AKT3: variants seen among roughly 807,000 people sequenced by gnomAD.
The protein encoded by AKT3 is AKT serine/threonine kinase 3.
A neutral mutation model predicts 65.3 loss-of-function variants in AKT3; 15 were observed. The ratio of observed to expected loss-of-function variants is 0.23; its 90% CI spans 0.15 to 0.35. The LOEUF (loss-of-function observed/expected upper bound fraction) is 0.35. AKT3 is among the 10% of genes least tolerant of loss of function. The pLI is 1.00. For missense variants in AKT3, 243 were observed against 576.5 expected (o/e 0.42, Z 5.92); for synonymous variants, 206 against 183.8 (o/e 1.12, Z -0.98).
In AKT3 at chr1:243,523,810, C is replaced by G. The variant is rs140364815; in HGVS notation, c.1252-11384G>C. 9.3e-4 allele frequency among the ~76,000 whole-genome samples: 141 copies of G among 152,358 alleles called. 1 individual carries two copies. Among genetic ancestry groups the G allele is most frequent in the Non-Finnish European group, 5.0e-4 (34 of 68,034 alleles). ...TCGCCTGCTTATTTATCTGTCTCTT[C>G]TACTAAACTGTAAGCAACCGTTTGA... On this transcript the variant is annotated intron_variant, in intron 12 of 13. Transcript: ENST00000673466.
chr1:243,738,360 A>G (rs949024206), intron 2 of AKT3, among the ~76,000 whole-genome samples: 2 of 152,214 alleles, frequency 1.3e-5, no homozygotes, highest in African/African-American at 2.4e-5. Flanking sequence ...GACTACTTTC[A>G]TAAGCTTAAG....
chr1:243,607,545 G>T (rs1247472265), intron 8 of AKT3, among the ~76,000 whole-genome samples: 5 of 152,224 alleles, frequency 3.3e-5, no homozygotes, highest in Non-Finnish European at 7.3e-5. Flanking sequence ...TATCTAGGAA[G>T]TAACTAACTT....
At chr1:243,614,056 CA>C (rs1194578147) in intron 7 of AKT3, among the ~76,000 whole-genome samples, 1 of 152,140 alleles carries the variant, frequency 6.6e-6, no homozygotes, top group Non-Finnish European at 1.5e-5. Flanking sequence ...GGTTCTCATC[CA>C]TGCAACCTCA....
At chr1:243,547,087 A>C (rs1443302813) in intron 11 of AKT3, 1 of 152,218 alleles carries the variant, frequency 6.6e-6, no homozygotes, top group African/African-American at 2.4e-5. Flanking sequence ...AAGTCTAAAC[A>C]GTCAACAAAA....
At chr1:243,703,846 T>G (rs1685630819) in intron 2 of AKT3, among the ~76,000 whole-genome samples, 1 of 152,116 alleles carries the variant, frequency 6.6e-6, no homozygotes, top group Non-Finnish European at 1.5e-5. Flanking sequence ...GCGTAAGTTT[T>G]CAACTGCACA....
At chr1:243,718,266 G>C (rs375875709) in intron 2 of AKT3, among the ~76,000 whole-genome samples, 1 of 152,140 alleles carries the variant, frequency 6.6e-6, no homozygotes, top group African/African-American at 2.4e-5. Flanking sequence ...CACAACTGGG[G>C]ACATGGATGT....
chr1:243,641,497 G>A (rs1393159494), intron 5 of AKT3, among the ~76,000 whole-genome samples: 1 of 151,680 alleles, frequency 6.6e-6, no homozygotes, highest in African/African-American at 2.4e-5. Flanking sequence ...AATACTTGCT[G>A]TGCCTTATTA....
At chr1:243,764,688 C>A (rs1689706457) in intron 2 of AKT3, among the ~76,000 whole-genome samples, 1 of 151,536 alleles carries the variant, frequency 6.6e-6, no homozygotes. Flanking sequence ...TAAATAAAAC[C>A]AAAAAAGTCT....
chr1:243,825,073 T>C (rs889766728), intron 2 of AKT3, among the ~76,000 whole-genome samples: 3 of 152,054 alleles, frequency 2.0e-5, no homozygotes, highest in African/African-American at 7.2e-5. Flanking sequence ...TATATAGCCA[T>C]AAAAAGGAAC....
intron 2 of AKT3, among the ~76,000 whole-genome samples, chr1:243,774,091 A>T (rs1280226468): frequency 6.6e-6 from 1 of 152,220 alleles, no homozygotes; most frequent in East Asian, 1.9e-4. Flanking sequence ...CTAGAGACAA[A>T]CTTTTCCTAC....
At chr1:243,809,372 G>A in intron 2 of AKT3, among the ~76,000 whole-genome samples, 1 of 152,084 alleles carries the variant, frequency 6.6e-6, no homozygotes, top group East Asian at 1.9e-4. Context: ...AAAAAGGCAA[G>A]GGCTGCAATC....
intron 2 of AKT3, among the ~76,000 whole-genome samples, chr1:243,714,244 T>C (rs1445428014): frequency 6.6e-6 from 1 of 152,192 alleles, no homozygotes; most frequent in Non-Finnish European, 1.5e-5. Context: ...TCAAGATAAG[T>C]TGTGTGTAAT....
intron 3 of AKT3, among the ~76,000 whole-genome samples, chr1:243,667,383 A>C (rs755790876): frequency 6.6e-6 from 1 of 151,998 alleles, no homozygotes; most frequent in Non-Finnish European, 1.5e-5. Flanking sequence ...GCCAACCTCT[A>C]CTGTGGCTTC....
At chr1:243,736,830 CT>C (rs1558765896) in intron 2 of AKT3, among the ~76,000 whole-genome samples, 1 of 152,168 alleles carries the variant, frequency 6.6e-6, no homozygotes, top group African/African-American at 2.4e-5. Context: ...TATGCCACCC[CT>C]ATATTGCTAT....
At chr1:243,498,076 G>A (rs986522047), downstream of AKT3, among the ~76,000 whole-genome samples, 6 of 152,190 alleles carry the variant, frequency 3.9e-5, no homozygotes, top group African/African-American at 1.2e-4. Context: ...ACTGTGTCAA[G>A]AGCGAGGCCA....
intron 3 of AKT3, among the ~76,000 whole-genome samples, chr1:243,665,364 C>T (rs1434984909): frequency 1.3e-5 from 2 of 152,148 alleles, no homozygotes; most frequent in African/African-American, 4.8e-5. Flanking sequence ...TTACCATAGA[C>T]TATCTTACAG....
chr1:243,740,512 A>G (rs1039393256), intron 2 of AKT3, among the ~76,000 whole-genome samples: 1 of 152,174 alleles, frequency 6.6e-6, no homozygotes, highest in African/African-American at 2.4e-5. Context: ...AGAAAATGCA[A>G]ATGTGTCTTT....
intron 12 of AKT3, among the ~76,000 whole-genome samples, chr1:243,537,349 A>T (rs1173922006): frequency 6.6e-6 from 1 of 151,784 alleles, no homozygotes; most frequent in Non-Finnish European, 1.5e-5. Context: ...TTCCATTTTA[A>T]CTCCCAGAAG....
chr1:243,664,417 G>C lies in AKT3; in HGVS notation c.284+355C>G, dbSNP rs187530698. 3.5e-3 allele frequency among the ~76,000 whole-genome samples: 524 copies of C among 151,534 alleles called. 2 individuals are homozygous for C. Among genetic ancestry groups the C allele is most frequent in the African/African-American group, 0.012 (496 of 41,376 alleles). On this transcript the variant is annotated intron_variant, in intron 4 of 13. Coordinates refer to ENST00000673466, the MANE Select transcript of AKT3 (RefSeq NM_005465.7). ...GACAGGGTTTCACCTTGTCAGCCAGGATAGTCTCGATCTCCTGACCTTGTG... is the reference window on the plus strand; with the variant it reads ...GACAGGGTTTCACCTTGTCAGCCAGCATAGTCTCGATCTCCTGACCTTGTG...
Sources: gnomAD v4.1 joint callset for allele counts (sites outside exome capture counted in the v4.1 genomes callset) on GRCh38, gnomAD v4.1.1 for gene constraint, MANE v1.5 for transcripts, NCBI Gene and HGNC (gene_info 2026-07-23, HGNC 2026-07-21) for gene names.